Variants in ROBO2 observed in about 807,000 individuals in gnomAD.
ROBO2 encodes the protein roundabout guidance receptor 2, also known as roundabout homolog 2.
Under a neutral mutation model 160.8 loss-of-function variants are expected in ROBO2, and 53 were observed. That is an observed-to-expected ratio of 0.33 (90% CI 0.26 to 0.41). ROBO2 has a LOEUF of 0.41. Among genes scored for constraint, ROBO2 ranks in the 10% least tolerant of loss-of-function variants. The pLI is 1.00. For missense variants in ROBO2, 1,577 were observed against 1,722.4 expected (o/e 0.92, Z 1.49); for synonymous variants, 664 against 611.7 (o/e 1.09, Z -1.26).
chr3:76,007,755 T>A (rs894205466), intron 2 of ROBO2, among the ~76,000 whole-genome samples: 8 of 152,152 alleles, frequency 5.3e-5, no homozygotes, highest in Non-Finnish European at 1.0e-4. Context: ...ATGGAGAAAT[T>A]TATTTCATAA....
chr3:76,973,963 A>G (rs1229563898), intron 2 of ROBO2, among the ~76,000 whole-genome samples: 1 of 152,210 alleles, frequency 6.6e-6, no homozygotes. Flanking sequence ...TGATGAACAT[A>G]CAATGAGTTA....
chr3:76,517,266 C>T (rs2081388132), intron 2 of ROBO2, among the ~76,000 whole-genome samples: 1 of 152,114 alleles, frequency 6.6e-6, no homozygotes, highest in Admixed American at 6.6e-5. Context: ...TCACTTCATT[C>T]TGACAATAGA....
At chr3:76,289,544 C>A (rs1029426249) in intron 2 of ROBO2, among the ~76,000 whole-genome samples, 1 of 152,028 alleles carries the variant, frequency 6.6e-6, no homozygotes, top group Non-Finnish European at 1.5e-5. Context: ...CTTTTGGAGT[C>A]TTCATCATGA....
At chr3:77,042,843 G>T (rs891794721) in intron 1 of ROBO2, among the ~76,000 whole-genome samples, 1 of 152,116 alleles carries the variant, frequency 6.6e-6, no homozygotes, top group African/African-American at 2.4e-5. Context: ...GGCAGTTTGT[G>T]TCTGGGCCAC....
intron 2 of ROBO2, among the ~76,000 whole-genome samples, chr3:76,522,923 T>C (rs528592215): frequency 2.5e-4 from 37 of 150,824 alleles, no homozygotes; most frequent in African/African-American, 9.0e-4. Context: ...TATACAGAGA[T>C]AGATATAGAT....
chr3:76,534,740 T>A (rs2082401782), intron 2 of ROBO2, among the ~76,000 whole-genome samples: 1 of 152,022 alleles, frequency 6.6e-6, no homozygotes, highest in Non-Finnish European at 1.5e-5. Flanking sequence ...ACGGGGTATA[T>A]GAGTAAAGTC....
At chr3:76,640,360 G>T (rs866657161) in intron 2 of ROBO2, among the ~76,000 whole-genome samples, 2 of 151,878 alleles carry the variant, frequency 1.3e-5, no homozygotes, top group South Asian at 2.1e-4. Flanking sequence ...GTGAAACCTC[G>T]TCTCTACTAA....
At chr3:75,945,758 T>C (rs1393394012) in intron 2 of ROBO2, among the ~76,000 whole-genome samples, 1 of 152,152 alleles carries the variant, frequency 6.6e-6, no homozygotes, top group Non-Finnish European at 1.5e-5. Context: ...AATGCATAAC[T>C]TATTATTCAT....
intron 2 of ROBO2, among the ~76,000 whole-genome samples, chr3:76,270,328 A>G (rs1389843683): frequency 6.6e-6 from 1 of 152,050 alleles, no homozygotes; most frequent in Non-Finnish European, 1.5e-5. Context: ...TACCATAGAT[A>G]TAATAGACAT....
At chr3:76,668,909 A>G (rs1342110689) in intron 2 of ROBO2, among the ~76,000 whole-genome samples, 1 of 152,100 alleles carries the variant, frequency 6.6e-6, no homozygotes, top group Non-Finnish European at 1.5e-5. Flanking sequence ...CTTTCTTTGG[A>G]GGAAGAGGAT....
intron 2 of ROBO2, among the ~76,000 whole-genome samples, chr3:77,195,326 T>C (rs2082218049): frequency 6.6e-6 from 1 of 152,146 alleles, no homozygotes; most frequent in African/African-American, 2.4e-5. Context: ...AGGAAGTCAA[T>C]CAATGAAATA....
chr3:75,984,435 G>C (rs1050087887), intron 2 of ROBO2, among the ~76,000 whole-genome samples: 2 of 151,350 alleles, frequency 1.3e-5, no homozygotes, highest in African/African-American at 4.8e-5. Flanking sequence ...CACAGATTAG[G>C]ATCTCTGGAT....
At chr3:77,121,572 TAA>T (rs2074775112) in intron 2 of ROBO2, among the ~76,000 whole-genome samples, 1 of 152,130 alleles carries the variant, frequency 6.6e-6, no homozygotes, top group Admixed American at 6.5e-5. Flanking sequence ...CCTATTTGAA[TAA>T]AAGTCTTATT....
rs79233673 is a variant in ROBO2, at chr3:76,661,524, C to T, written c.110-436490C>T. 6.7e-3 allele frequency among the ~76,000 whole-genome samples: 1,025 copies of T among 152,172 alleles called. 15 individuals are homozygous for T. The highest frequency in any genetic ancestry group is 0.024 in the African/African-American group (981 of 41,496). ...TAGAGGGGCAGAGATTACAGGCAGA[C>T]ATCAATCAATAGACGTAAGGTGTAC... is the stretch of plus-strand genomic sequence containing the variant. On this transcript the variant is annotated intron_variant, in intron 2 of 26. Coordinates refer to the ROBO2 transcript ENST00000487694.
chr3:76,228,568 AAAG>A (rs1229127289), intron 2 of ROBO2, among the ~76,000 whole-genome samples: 1 of 152,194 alleles, frequency 6.6e-6, no homozygotes, highest in Non-Finnish European at 1.5e-5. Flanking sequence ...CATATTCATA[AAAG>A]AACAAATTCT....
At chr3:76,336,391 T>G (rs545657832) in intron 2 of ROBO2, among the ~76,000 whole-genome samples, 1 of 152,300 alleles carries the variant, frequency 6.6e-6, no homozygotes, top group African/African-American at 2.4e-5. Context: ...CTAAATGTTA[T>G]CACTATAAAG....
At chr3:77,328,150 C>A (rs1406080655) in intron 2 of ROBO2, among the ~76,000 whole-genome samples, 1 of 151,708 alleles carries the variant, frequency 6.6e-6, no homozygotes, top group African/African-American at 2.4e-5. Flanking sequence ...CCACTTCCCC[C>A]ACACCCCTCT....
chr3:76,661,634 G>A (rs4856051), intron 2 of ROBO2, among the ~76,000 whole-genome samples: 127,847 of 152,130 alleles, frequency 0.84, 54,143 homozygotes, highest in African/African-American at 0.94. Flanking sequence ...AATTGGTTGA[G>A]AGAGTTGTTT....
rs922296960 is a variant in ROBO2 at position 76,448,759 on chromosome 3, T to A, written c.109+511157T>A. Reference sequence around the variant, plus strand: ...CAGACTTTACATTTGTTAATTCATCTATTTCTCACAATAATGCTAAAAGGT... The same window carrying A: ...CAGACTTTACATTTGTTAATTCATCAATTTCTCACAATAATGCTAAAAGGT... On this transcript the variant is annotated intron_variant, in intron 2 of 26. Transcript: ENST00000487694. Among the ~76,000 whole-genome samples the A allele has an allele frequency of 2.6e-5, 4 of 152,316 alleles. No homozygotes were observed. The East Asian group carries it at 7.7e-4, about 29-fold the overall frequency.
Sources: allele counts gnomAD v4.1 joint callset (sites outside exome capture counted in the v4.1 genomes callset), GRCh38; gene constraint gnomAD v4.1.1; transcripts MANE v1.5; gene names NCBI Gene and HGNC (gene_info 2026-07-23, HGNC 2026-07-21).